Variants in ITGA10 observed in about 807,000 individuals in gnomAD.
ITGA10 encodes the protein integrin alpha-10.
ITGA10 carries 105 observed loss-of-function variants against 145.2 expected under a neutral mutation model. The ratio of observed to expected loss-of-function variants is 0.72; its 90% CI spans 0.62 to 0.85. The LOEUF (loss-of-function observed/expected upper bound fraction) is 0.85, where lower values mean the gene tolerates loss of function less well. ITGA10 is among the 40% of genes least tolerant of loss of function. The pLI, the probability that ITGA10 is intolerant of heterozygous loss-of-function variation, is 0.00. For synonymous variants in ITGA10, 506 were observed against 557.8 expected (o/e 0.91, Z 1.31); for missense variants, 1,317 against 1,444.5 (o/e 0.91, Z 1.43).
At position 145,896,044 on chromosome 1, in the gene ITGA10, A is replaced by T; in HGVS notation, c.2972T>A (p.Leu991His). ...VVSGLIISAL[L>H]PAVAHGGNYF... is the part of the protein sequence containing the mutation. ...ATTGCCCCCATGGGCCACAGCTGGA[A>T]GGAGGGCTGAGATGATGAGGCCACT... Residue 991 changes from leucine (L) to histidine (H), a missense_variant, in exon 25 of 30, where the codon CTT (leucine) becomes CAT (histidine). Leu to His is a moderately conservative substitution (Grantham distance 99). Transcript: ENST00000369304. The T allele has an allele frequency of 6.2e-7, 1 of 1,614,180 alleles. No homozygotes were observed.
chr1:145,893,645 A>C lies in ITGA10; in HGVS notation c.3229-10T>G. The C allele has an allele frequency of 6.2e-7, 1 of 1,605,700 alleles. No individual in the cohort carries two copies. Among genetic ancestry groups the C allele is most frequent in the Non-Finnish European group, 8.5e-7 (1 of 1,173,858 alleles). ...GGGACTTGAACTTGGCCTATGGAAC[A>C]AGTGGATAGGAAGACATTTAAAATG... On this transcript the variant is annotated splice_polypyrimidine_tract_variant and intron_variant, in intron 27 of 29. Transcript: ENST00000369304.
At chr1:145,906,163 A>G (rs1204285617) in intron 5 of ITGA10, 1 of 438,276 alleles carries the variant, frequency 2.3e-6, no homozygotes, top group Non-Finnish European at 4.2e-6. Flanking sequence ...TCCTGACCTC[A>G]AGTGATCTGC....
chr1:145,905,837 G>C (rs993469150), intron 5 of ITGA10: 1 of 152,762 alleles, frequency 6.5e-6, no homozygotes, highest in Non-Finnish European at 1.5e-5. Flanking sequence ...TCCTGCGTTG[G>C]CCTCCCAAAA....
intron 27 of ITGA10, among the ~76,000 whole-genome samples, chr1:145,894,666 C>A (rs1655136851): frequency 6.6e-6 from 1 of 152,188 alleles, no homozygotes; most frequent in South Asian, 2.1e-4. Flanking sequence ...CTCCTCACTA[C>A]CTGTCATATT....
intron 15 of ITGA10, 62 bp from the exon 16 acceptor site, chr1:145,899,403 C>G (rs1655913234): frequency 6.4e-7 from 1 of 1,557,614 alleles, no homozygotes; most frequent in South Asian, 1.2e-5. Flanking sequence ...GAAGTGCAAG[C>G]CCAGTGTTTG....
intron 5 of ITGA10, 114 bp downstream of exon 5, chr1:145,906,280 G>A: frequency 2.7e-6 from 2 of 737,630 alleles, no homozygotes; most frequent in South Asian, 3.2e-5. Context: ...ACATTAGGTA[G>A]CAATGAGGAT....
intron 1 of ITGA10, 37 bp downstream of exon 1, chr1:145,909,926 C>T (rs1553752663): frequency 6.4e-7 from 1 of 1,569,400 alleles, no homozygotes; most frequent in Non-Finnish European, 8.8e-7. Flanking sequence ...ATGTATCTTC[C>T]ATCCCCACCA....
At chr1:145,909,019 T>C (rs1657501264) in intron 1 of ITGA10, among the ~76,000 whole-genome samples, 1 of 152,014 alleles carries the variant, frequency 6.6e-6, no homozygotes, top group Non-Finnish European at 1.5e-5. Flanking sequence ...GATACAAATC[T>C]CAGCCAAGCA....
In ITGA10 at chr1:145,896,265, C is replaced by T. The variant is rs921596271; in HGVS notation, c.2919+3G>A. ...TCATGCCAAGACCCCTCCAGCTTCT[C>T]ACCCTGAGAGTGGTTTTGAATTCTG... is the stretch of plus-strand genomic sequence containing the variant. On this transcript the variant is annotated splice_donor_region_variant and intron_variant, in intron 24 of 29. Transcript: ENST00000369304. 6.2e-7 allele frequency: 1 copy of T among 1,611,226 alleles called. No individual in the cohort carries two copies. Among genetic ancestry groups the T allele is most frequent in the Non-Finnish European group, 8.5e-7 (1 of 1,177,320 alleles).
At chr1:145,909,640 ATAT>A (rs1387342149) in intron 1 of ITGA10, among the ~76,000 whole-genome samples, 1 of 140,480 alleles carries the variant, frequency 7.1e-6, no homozygotes, top group Non-Finnish European at 1.5e-5. Context: ...TATTATATGT[ATAT>A]TATATATAAT....
At chr1:145,907,513 A>C in intron 1 of ITGA10, 48 bp from the exon 2 acceptor site, 1 of 1,611,038 alleles carries the variant, frequency 6.2e-7, no homozygotes, top group Non-Finnish European at 8.5e-7. Flanking sequence ...GAATGGCTAG[A>C]GGCACAGCCC....
At chr1:145,899,407 G>T in intron 15 of ITGA10, 66 bp from the exon 16 acceptor site, 6 of 1,548,106 alleles carry the variant, frequency 3.9e-6, no homozygotes, top group Non-Finnish European at 5.3e-6. Context: ...TGCAAGCCCA[G>T]TGTTTGCTTC....
chr1:145,900,100 C>A lies in ITGA10; in HGVS notation c.1879G>T (p.Val627Phe). 1.1e-5 allele frequency: 18 copies of A among 1,614,092 alleles called. No homozygotes were observed. Among genetic ancestry groups the A allele is most frequent in the Non-Finnish European group, 1.4e-5 (17 of 1,179,972 alleles). ...CCCTGGGCACCCACAGCCACATCGACCAGATCATCTCCATCCAGATCTAGC... is the reference window on the plus strand; with the variant it reads ...CCCTGGGCACCCACAGCCACATCGAACAGATCATCTCCATCCAGATCTAGC... ...GRLDLDGDDL[V>F]DVAVGAQGAA... The change falls in exon 15 of 30, where the codon GTC (valine) becomes TTC (phenylalanine). Residue 627 changes from valine (V) to phenylalanine (F), a missense_variant. Coordinates refer to ENST00000369304, the MANE Select transcript of ITGA10 (RefSeq NM_003637.5).
intron 14 of ITGA10, 30 bp downstream of exon 14, chr1:145,900,760 G>A (rs369713753): frequency 5.7e-5 from 91 of 1,605,882 alleles, no homozygotes; most frequent in Middle Eastern, 1.7e-4. Context: ...TCCTACAACC[G>A]TGCCCCTGCT....
chr1:145,901,718 AG>A lies in ITGA10; in HGVS notation c.1295-55del, dbSNP rs1656348045. 3.2e-6 allele frequency: 5 copies of A among 1,539,342 alleles called. No individual in the cohort carries two copies. Among genetic ancestry groups the A allele is most frequent in the Middle Eastern group, 1.8e-4 (1 of 5,676 alleles). ...AGGAAAAGAAGATGGGGTCCAGAGT[AG>A]GGGGGTTCCCTAAAGGCATAGCAGG... On this transcript the variant is annotated intron_variant, in intron 11 of 29. Transcript: ENST00000369304. The surrounding 1 kb of genome is among the most constrained non-coding windows in gnomAD (Gnocchi z 4.3).
rs1656770179 is a variant in ITGA10 at position 145,904,129 on chromosome 1, T to G, written c.681A>C (p.Glu227Asp). 1.2e-6 allele frequency: 2 copies of G among 1,614,046 alleles called. No homozygotes were observed. The highest frequency in any genetic ancestry group is 3.3e-5 in the Admixed American group (2 of 59,996). Residue 227 changes from glutamate (E) to aspartate (D), a missense_variant, in exon 7 of 30, where the codon GAA (glutamate) becomes GAC (aspartate). By Grantham distance (45) the Glu-to-Asp change is conservative. Transcript: ENST00000369304. ...TGAGGTTCTTTGCTGCTCTCACCAC[T>G]TCTTCCTTCGTTCGGAAATCTCCCA... ...WSLGDFRTKEEVVRAAKNLSR... is the reference protein window; with the variant it reads ...WSLGDFRTKEDVVRAAKNLSR...
At position 145,897,112 on chromosome 1, in the gene ITGA10, T is replaced by C. The variant is rs587714831; in HGVS notation, c.2668-25A>G. The C allele has an allele frequency of 2.2e-5, 35 of 1,599,498 alleles. No homozygotes were observed. The East Asian group carries it at 7.6e-4, about 35-fold the overall frequency. ...CCTAGGGGCAGGGGACACAGGGTAA[T>C]GGTAGAGTCTTCCTCATGGAACAAC... On this transcript the variant is annotated intron_variant, in intron 21 of 29. Transcript: ENST00000369304.
intron 29 of ITGA10, 95 bp from the exon 30 acceptor site, chr1:145,892,958 G>C: frequency 8.4e-6 from 9 of 1,065,840 alleles, no homozygotes; most frequent in South Asian, 8.0e-5. Context: ...CTTTTGTTCT[G>C]TTTCCAAAAA....
At chr1:145,904,620 C>T in intron 6 of ITGA10, 64 bp downstream of exon 6, 1 of 1,581,248 alleles carries the variant, frequency 6.3e-7, no homozygotes, top group Non-Finnish European at 8.7e-7. Flanking sequence ...GGGGATCCTC[C>T]CACCTCCACC....
Sources: gnomAD v4.1 joint callset for allele counts (sites outside exome capture counted in the v4.1 genomes callset) on GRCh38, gnomAD v4.1.1 for gene constraint, Gnocchi (gnomAD v3.1) non-coding constraint, MANE v1.5 for transcripts, NCBI Gene and HGNC (gene_info 2026-07-23, HGNC 2026-07-21) for gene names.